ROBO1: variants seen among roughly 807,000 people sequenced by gnomAD.
The protein encoded by ROBO1 is roundabout guidance receptor 1.
Under a neutral mutation model 195.9 loss-of-function variants are expected in ROBO1, and 149 were observed. The ratio of observed to expected loss-of-function variants is 0.76; its 90% CI spans 0.67 to 0.87. The LOEUF is 0.87. Among genes scored for constraint, ROBO1 ranks in the 40% least tolerant of loss-of-function variants. The probability of loss-of-function intolerance (pLI) is 0.00; values close to 1 mark genes in which losing one functional copy is unlikely to be tolerated. For missense variants in ROBO1, 1,933 were observed against 2,068.3 expected (o/e 0.93, Z 1.27); for synonymous variants, 816 against 733.2 (o/e 1.11, Z -1.82).
intron 1 of ROBO1, among the ~76,000 whole-genome samples, chr3:79,669,177 C>T (rs1322577202): frequency 2.0e-5 from 3 of 151,834 alleles, no homozygotes; most frequent in Non-Finnish European, 4.4e-5. Context: ...CTCATGATAG[C>T]GAATAAGTCT....
At chr3:78,878,462 G>C (rs765701148) in intron 4 of ROBO1, among the ~76,000 whole-genome samples, 1 of 151,416 alleles carries the variant, frequency 6.6e-6, no homozygotes, top group Non-Finnish European at 1.5e-5. Flanking sequence ...GTGGGTGCCT[G>C]TAATTCCAGC....
At position 78,600,254 on chromosome 3, in the gene ROBO1, A is replaced by C. The variant is rs748131500; in HGVS notation, c.4800T>G (p.Asp1600Glu). Residue 1600 changes from aspartate to glutamate, a missense_variant, in exon 30 of 31, where the codon GAT becomes GAG. Physicochemically the swap from Asp to Glu is conservative, Grantham distance 45. This residue lies in a region of ROBO1 where 1,737 missense variants were observed against 1,882.5 expected (regional missense o/e 0.92). Coordinates refer to ENST00000464233, the MANE Select transcript of ROBO1 (RefSeq NM_002941.4). ...ATGACATTGAGCTTGAGGAACTGGG[A>C]TCTCTGGGATTATTTGATGTTGGAA... ...PTFPTSNNPR[D>E]PSSSSSMSSR... 5.9e-5 allele frequency: 95 copies of C among 1,613,158 alleles called. 1 individual carries two copies. The Admixed American group carries it at 1.6e-3, about 27-fold the overall frequency.
chr3:78,901,778 T>G lies in ROBO1; in HGVS notation c.499+36823A>C, dbSNP rs75245328. On this transcript the variant is annotated intron_variant, in intron 4 of 30. Coordinates refer to ENST00000464233, the MANE Select transcript of ROBO1 (RefSeq NM_002941.4). ...CAGAACACAGTATTCCATAGGTAGA[T>G]TAGACCCCATCAAATGTCTATACTA... is the stretch of plus-strand genomic sequence containing the variant. Among the ~76,000 whole-genome samples, 1,497 of 152,248 alleles carry G rather than the reference T, an allele frequency of 9.8e-3. 30 individuals carry two copies. Among genetic ancestry groups the G allele is most frequent in the East Asian group, 0.033 (170 of 5,168 alleles).
At chr3:79,414,722 T>C (rs923786445) in intron 2 of ROBO1, among the ~76,000 whole-genome samples, 4 of 152,174 alleles carry the variant, frequency 2.6e-5, no homozygotes, top group African/African-American at 9.6e-5. Context: ...TATTGAGAGA[T>C]CATAAAGAGA....
At chr3:79,380,456 A>T (rs1207633809) in intron 2 of ROBO1, among the ~76,000 whole-genome samples, 2 of 152,078 alleles carry the variant, frequency 1.3e-5, no homozygotes, top group East Asian at 3.9e-4. Context: ...TTGACTCAAA[A>T]TTCTTTGCTA....
chr3:79,011,874 A>AT (rs1320412151), intron 3 of ROBO1, among the ~76,000 whole-genome samples: 2 of 151,548 alleles, frequency 1.3e-5, no homozygotes, highest in African/African-American at 2.4e-5. Flanking sequence ...ATACATAACA[A>AT]TTTTTTTTGC....
intron 2 of ROBO1, among the ~76,000 whole-genome samples, chr3:79,425,622 T>C (rs1443650387): frequency 6.6e-6 from 1 of 151,870 alleles, no homozygotes; most frequent in Non-Finnish European, 1.5e-5. Context: ...GAAGTCTACA[T>C]AAAACAAAGA....
rs545331187 is a variant in ROBO1 at position 79,509,512 on chromosome 3, A to G, written c.88+80312T>C. ...CATTGTCACATTCTATAATTCTAGG[A>G]ACAGTCTTGAATTTATCATTTTAAA... On this transcript the variant is annotated intron_variant, in intron 2 of 30. Transcript: ENST00000464233. Among the ~76,000 whole-genome samples, 5 of 152,304 alleles carry G rather than the reference A, an allele frequency of 3.3e-5. 1 individual carries two copies. The South Asian group carries it at 1.0e-3, about 32-fold the overall frequency.
At chr3:78,854,051 C>G (rs1273744464) in intron 4 of ROBO1, among the ~76,000 whole-genome samples, 1 of 151,914 alleles carries the variant, frequency 6.6e-6, no homozygotes, top group Non-Finnish European at 1.5e-5. Flanking sequence ...ATATCAAACA[C>G]CTTAAGAAAA....
In ROBO1 at chr3:79,410,652, G is replaced by A. The variant is rs553426817; in HGVS notation, c.88+179172C>T. Among the ~76,000 whole-genome samples the A allele has an allele frequency of 3.3e-5, 5 of 151,028 alleles. No individual in the cohort carries two copies. In the South Asian group the frequency reaches 1.1e-3, roughly 32 times the overall value. ...AGGAAGGAAGGAAGGAAGGGGTGGA[G>A]AGAGGGAGGGAAAGAAAGAAAGAAA... On this transcript the variant is annotated intron_variant, in intron 2 of 30. Transcript: ENST00000464233.
chr3:78,926,389 G>A (rs762385718), intron 4 of ROBO1, among the ~76,000 whole-genome samples: 10 of 152,142 alleles, frequency 6.6e-5, no homozygotes, highest in Non-Finnish European at 1.2e-4. Context: ...AAATTGCAAA[G>A]GAAATGGAGA....
chr3:79,003,179 G>A (rs566510744), intron 3 of ROBO1, among the ~76,000 whole-genome samples: 125 of 152,146 alleles, frequency 8.2e-4, no homozygotes, highest in African/African-American at 2.9e-3. Context: ...GGATAGAAAT[G>A]GCCATCACAT....
chr3:79,296,278 A>T (rs899874490), intron 2 of ROBO1, among the ~76,000 whole-genome samples: 1 of 152,230 alleles, frequency 6.6e-6, no homozygotes, highest in African/African-American at 2.4e-5. Context: ...ATAATGCATT[A>T]ATACTCAATT....
intron 2 of ROBO1, among the ~76,000 whole-genome samples, chr3:79,416,090 A>G (rs1178649712): frequency 6.6e-6 from 1 of 150,830 alleles, no homozygotes; most frequent in East Asian, 2.0e-4. Flanking sequence ...CATAAAAAAA[A>G]TAACACTTCA....
At chr3:79,516,021 A>G (rs1940928473) in intron 2 of ROBO1, among the ~76,000 whole-genome samples, 1 of 152,150 alleles carries the variant, frequency 6.6e-6, no homozygotes, top group Admixed American at 6.5e-5. Context: ...TCTGTCCCAC[A>G]CTTGACTTTC....
intron 1 of ROBO1, among the ~76,000 whole-genome samples, chr3:79,702,416 A>G (rs149467959): frequency 1.3e-5 from 2 of 151,950 alleles, no homozygotes; most frequent in African/African-American, 4.8e-5. Context: ...AAAATTTATA[A>G]CTCATTGTCT....
chr3:79,554,787 A>C lies in ROBO1; in HGVS notation c.88+35037T>G, dbSNP rs182127464. 1.6e-4 allele frequency among the ~76,000 whole-genome samples: 24 copies of C among 152,234 alleles called. No individual in the cohort carries two copies. The East Asian group carries it at 4.2e-3, about 27-fold the overall frequency. On this transcript the variant is annotated intron_variant, in intron 2 of 30. Coordinates refer to ENST00000464233, the MANE Select transcript of ROBO1 (RefSeq NM_002941.4). ...AAGAAGTATGTGTTAATCATCTTGG[A>C]GATATGGACAAATCCCTTAAACGTT...
intron 2 of ROBO1, among the ~76,000 whole-genome samples, chr3:79,211,288 G>T (rs1161336481): frequency 1.3e-5 from 2 of 151,938 alleles, no homozygotes; most frequent in East Asian, 3.9e-4. Flanking sequence ...TCAGTTTTTA[G>T]ACTTGAATAT....
intron 2 of ROBO1, among the ~76,000 whole-genome samples, chr3:79,563,294 AT>A (rs1403778928): frequency 2.0e-5 from 3 of 152,090 alleles, no homozygotes; most frequent in Admixed American, 6.6e-5. Flanking sequence ...TAATTAAATC[AT>A]GTCTTCTAAA....
Sources: gnomAD v4.1 joint callset for allele counts (sites outside exome capture counted in the v4.1 genomes callset) on GRCh38, gnomAD v4.1.1 for gene constraint, gnomAD v4.1.1 regional missense constraint, MANE v1.5 for transcripts, NCBI Gene and HGNC (gene_info 2026-07-23, HGNC 2026-07-21) for gene names.